MSI2: variants seen among roughly 807,000 people sequenced by gnomAD.
MSI2 encodes the protein RNA-binding protein Musashi homolog 2.
A neutral mutation model predicts 45.6 loss-of-function variants in MSI2; 17 were observed. That is an observed-to-expected ratio of 0.37 (90% CI 0.26 to 0.56). MSI2 has a LOEUF of 0.56. MSI2 is among the 20% of genes least tolerant of loss of function. The probability of loss-of-function intolerance (pLI) is 0.77; values close to 1 mark genes in which losing one functional copy is unlikely to be tolerated. For missense variants in MSI2, 293 were observed against 444.2 expected (o/e 0.66, Z 3.06); for synonymous variants, 156 against 158.2 (o/e 0.99, Z 0.11).
At chr17:57,500,856 G>C (rs2086090231) in intron 6 of MSI2, among the ~76,000 whole-genome samples, 1 of 151,512 alleles carries the variant, frequency 6.6e-6, no homozygotes, top group Non-Finnish European at 1.5e-5. Flanking sequence ...CCAGCTACTT[G>C]GGAGGCTGAG....
chr17:57,331,148 A>T lies in MSI2; in HGVS notation c.312+68956A>T, dbSNP rs150588503. Among the ~76,000 whole-genome samples, 1,217 of 152,244 alleles carry T rather than the reference A, an allele frequency of 8.0e-3. 8 individuals carry two copies. Among genetic ancestry groups the T allele is most frequent in the Non-Finnish European group, 0.012 (847 of 68,000 alleles). On this transcript the variant is annotated intron_variant, in intron 5 of 13. Transcript: ENST00000284073. ...AGGCTGGTCTCGAACTCCTGACCTC[A>T]GGTGATCCACCCGCCTCGGCCTCCG...
chr17:57,455,013 T>TTC (rs1220207954), intron 6 of MSI2, among the ~76,000 whole-genome samples: 1 of 152,186 alleles, frequency 6.6e-6, no homozygotes, highest in Non-Finnish European at 1.5e-5. Context: ...CTTGAGGCTG[T>TTC]TCAGTAACCT....
intron 5 of MSI2, among the ~76,000 whole-genome samples, chr17:57,312,865 T>C (rs1598105751): frequency 6.6e-6 from 1 of 152,182 alleles, no homozygotes; most frequent in East Asian, 1.9e-4. Flanking sequence ...ATTTCTTTTT[T>C]GGGACAGAGT....
chr17:57,506,385 T>G (rs1488077012), intron 6 of MSI2, among the ~76,000 whole-genome samples: 1 of 152,204 alleles, frequency 6.6e-6, no homozygotes, highest in Non-Finnish European at 1.5e-5. Context: ...GGATCTGTAA[T>G]TTTCCGTGGT....
intron 6 of MSI2, among the ~76,000 whole-genome samples, chr17:57,453,814 G>A (rs1212856942): frequency 6.6e-6 from 1 of 152,208 alleles, no homozygotes; most frequent in Non-Finnish European, 1.5e-5. Context: ...CCTCAGGATA[G>A]GTACTGTCAT....
At chr17:57,488,995 T>C (rs895991468) in intron 6 of MSI2, among the ~76,000 whole-genome samples, 1 of 152,116 alleles carries the variant, frequency 6.6e-6, no homozygotes, top group African/African-American at 2.4e-5. Flanking sequence ...CCAGGCAGTG[T>C]CCCGAGGCCT....
At chr17:57,415,660 C>A (rs1240912973) in intron 6 of MSI2, among the ~76,000 whole-genome samples, 1 of 151,990 alleles carries the variant, frequency 6.6e-6, no homozygotes, top group African/African-American at 2.4e-5. Context: ...CCATTCCCCC[C>A]AACATCCCGT....
At chr17:57,456,288 C>G (rs866533282) in intron 6 of MSI2, among the ~76,000 whole-genome samples, 3 of 152,200 alleles carry the variant, frequency 2.0e-5, no homozygotes, top group African/African-American at 7.2e-5. Flanking sequence ...CTCTTAGCCT[C>G]ATAACATCTC....
At chr17:57,614,320 T>C (rs758441833) in intron 8 of MSI2, among the ~76,000 whole-genome samples, 7 of 152,196 alleles carry the variant, frequency 4.6e-5, no homozygotes, top group Non-Finnish European at 1.0e-4. Flanking sequence ...CCCAAAGTGT[T>C]GGGATTACAG....
At chr17:57,441,251 A>G (rs2084794770) in intron 6 of MSI2, among the ~76,000 whole-genome samples, 1 of 152,194 alleles carries the variant, frequency 6.6e-6, no homozygotes, top group African/African-American at 2.4e-5. Context: ...TCCAAGGCCC[A>G]GGGCTGACTC....
At chr17:57,533,684 GATCAGGAGA>G in intron 7 of MSI2, among the ~76,000 whole-genome samples, 1 of 152,326 alleles carries the variant, frequency 6.6e-6, no homozygotes, top group South Asian at 2.1e-4. Context: ...AAGTGCTCTT[GATCAGGAGA>G]GGGCAGAGGG....
intron 5 of MSI2, among the ~76,000 whole-genome samples, chr17:57,352,376 T>C (rs938491024): frequency 6.6e-6 from 1 of 152,218 alleles, no homozygotes; most frequent in African/African-American, 2.4e-5. Context: ...GATGTCTGAA[T>C]AGAGGACTCG....
At chr17:57,416,425 G>A (rs1009281967) in intron 6 of MSI2, among the ~76,000 whole-genome samples, 1 of 152,304 alleles carries the variant, frequency 6.6e-6, no homozygotes, top group African/African-American at 2.4e-5. Flanking sequence ...GAGGCACATG[G>A]GGCTGGAAGC....
At chr17:57,465,519 G>C (rs1223376760) in intron 6 of MSI2, among the ~76,000 whole-genome samples, 1 of 152,144 alleles carries the variant, frequency 6.6e-6, no homozygotes, top group African/African-American at 2.4e-5. Flanking sequence ...TCAAACTGTT[G>C]ATCTTAGGGG....
At chr17:57,296,845 T>A (rs1302085496) in intron 5 of MSI2, among the ~76,000 whole-genome samples, 1 of 152,224 alleles carries the variant, frequency 6.6e-6, no homozygotes, top group African/African-American at 2.4e-5. Flanking sequence ...TTGCATTTCT[T>A]CTGTCATTCA....
intron 6 of MSI2, among the ~76,000 whole-genome samples, chr17:57,501,627 G>C (rs118161412): frequency 0.019 from 2,928 of 152,296 alleles, 47 homozygotes; most frequent in East Asian, 0.066. Flanking sequence ...GCGTGCTCAG[G>C]GAAGTTTTTT....
At chr17:57,613,956 T>A (rs1030234711) in intron 8 of MSI2, among the ~76,000 whole-genome samples, 2 of 152,212 alleles carry the variant, frequency 1.3e-5, no homozygotes, top group African/African-American at 4.8e-5. Flanking sequence ...CCCCCTAACC[T>A]TGAGCACTAA....
intron 5 of MSI2, among the ~76,000 whole-genome samples, chr17:57,272,661 G>A (rs1252255808): frequency 6.6e-6 from 1 of 152,182 alleles, no homozygotes; most frequent in East Asian, 1.9e-4. Flanking sequence ...GGTAGAAGAA[G>A]GTGAGAAACC....
intron 4 of MSI2, among the ~76,000 whole-genome samples, chr17:57,260,606 CTAG>C (rs1907218863): frequency 6.6e-6 from 1 of 152,106 alleles, no homozygotes; most frequent in Non-Finnish European, 1.5e-5. Flanking sequence ...TAGACAAGCG[CTAG>C]TCAGTGCTGG....
Sources: allele counts gnomAD v4.1 joint callset (sites outside exome capture counted in the v4.1 genomes callset), GRCh38; gene constraint gnomAD v4.1.1; transcripts MANE v1.5; gene names NCBI Gene and HGNC (gene_info 2026-07-23, HGNC 2026-07-21).